GMDS: variants seen among roughly 807,000 people sequenced by gnomAD.
GMDS encodes GDP-mannose 4,6-dehydratase.
In GMDS, 20 loss-of-function variants were observed where a neutral mutation model predicts 49.9. That is an observed-to-expected ratio of 0.40 (90% CI 0.28 to 0.58). GMDS has a LOEUF of 0.58. Among genes scored for constraint, GMDS ranks in the 20% least tolerant of loss-of-function variants. The pLI is 0.42. For synonymous variants in GMDS, 177 were observed against 178.6 expected, an observed-to-expected ratio of 0.99 and a Z score of 0.07; for missense variants, 362 against 481.4, an observed-to-expected ratio of 0.75 and a Z score of 2.32.
At chr6:1,844,722 A>C (rs962488674) in intron 7 of GMDS, among the ~76,000 whole-genome samples, 1 of 152,224 alleles carries the variant, frequency 6.6e-6, no homozygotes, top group Non-Finnish European at 1.5e-5. Flanking sequence ...TGGAAGTTCA[A>C]GCTGCACCTA....
At chr6:1,937,543 A>T (rs1239601524) in intron 6 of GMDS, among the ~76,000 whole-genome samples, 2 of 152,290 alleles carry the variant, frequency 1.3e-5, no homozygotes, top group Non-Finnish European at 1.5e-5. Flanking sequence ...TGCTCCTTCG[A>T]GAATATCTAC....
At chr6:1,950,572 G>C (rs1200797071) in intron 6 of GMDS, among the ~76,000 whole-genome samples, 1 of 152,202 alleles carries the variant, frequency 6.6e-6, no homozygotes, top group Non-Finnish European at 1.5e-5. Context: ...GGAGCTATTT[G>C]AATCCGAATG....
At chr6:2,116,280 GCT>G (rs1774844674) in intron 3 of GMDS, among the ~76,000 whole-genome samples, 7 of 152,118 alleles carry the variant, frequency 4.6e-5, no homozygotes, top group Admixed American at 4.6e-4. Flanking sequence ...GATGAAGACA[GCT>G]CTCTTTTCTT....
chr6:2,022,560 G>A (rs570837754), intron 4 of GMDS, among the ~76,000 whole-genome samples: 75 of 152,202 alleles, frequency 4.9e-4, no homozygotes, highest in South Asian at 2.7e-3. Context: ...CAATCTGCTC[G>A]CGATAATGCA....
chr6:1,976,916 T>C lies in GMDS; in HGVS notation c.346-15950A>G, dbSNP rs1398098015. Among the ~76,000 whole-genome samples the C allele has an allele frequency of 3.9e-5, 6 of 152,210 alleles. No individual in the cohort carries two copies. The East Asian group carries it at 1.2e-3, about 29-fold the overall frequency. On this transcript the variant is annotated intron_variant, in intron 4 of 10. Transcript: ENST00000380815. ...ATATATCTTATTTTCTTTTGAATAT[T>C]GCTCATGATTATTCTACTACAACGC...
chr6:2,080,058 C>CT (rs1772587353), intron 4 of GMDS, among the ~76,000 whole-genome samples: 1 of 152,044 alleles, frequency 6.6e-6, no homozygotes, highest in Admixed American at 6.6e-5. Context: ...TGTCTTCTGT[C>CT]TTTGAGTTGT....
At chr6:2,045,007 C>T (rs1769915591) in intron 4 of GMDS, among the ~76,000 whole-genome samples, 1 of 152,000 alleles carries the variant, frequency 6.6e-6, no homozygotes, top group Non-Finnish European at 1.5e-5. Context: ...TCACTAAAGG[C>T]TTATAAAATG....
chr6:2,091,781 T>C (rs1216253576), intron 4 of GMDS, among the ~76,000 whole-genome samples: 1 of 151,890 alleles, frequency 6.6e-6, no homozygotes, highest in Non-Finnish European at 1.5e-5. Context: ...TGCACAGCTG[T>C]GGTCCCAGCT....
intron 7 of GMDS, among the ~76,000 whole-genome samples, chr6:1,746,091 C>T (rs1008394846): frequency 2.6e-5 from 4 of 152,226 alleles, no homozygotes; most frequent in African/African-American, 9.6e-5. Flanking sequence ...CCCGTTCTCA[C>T]CTTCCTGTTC....
At chr6:1,912,545 G>T (rs1761124920) in intron 7 of GMDS, among the ~76,000 whole-genome samples, 1 of 152,050 alleles carries the variant, frequency 6.6e-6, no homozygotes, top group South Asian at 2.1e-4. Context: ...GTGAAATGTA[G>T]TGCCTACTGG....
chr6:2,198,676 T>C (rs903479262), intron 1 of GMDS, among the ~76,000 whole-genome samples: 3 of 152,240 alleles, frequency 2.0e-5, no homozygotes, highest in Non-Finnish European at 4.4e-5. Flanking sequence ...CAGAAAATTA[T>C]GTTTGCCTGT....
At chr6:2,155,093 C>G (rs1463154212) in intron 1 of GMDS, among the ~76,000 whole-genome samples, 1 of 152,002 alleles carries the variant, frequency 6.6e-6, no homozygotes, top group South Asian at 2.1e-4. Flanking sequence ...ATTTCCCATA[C>G]TGGCACAAAT....
chr6:2,142,051 T>G (rs1332988449), intron 1 of GMDS, among the ~76,000 whole-genome samples: 9 of 152,194 alleles, frequency 5.9e-5, no homozygotes, highest in Non-Finnish European at 1.3e-4. Flanking sequence ...CACTTGTATT[T>G]TCTTATACGG....
At chr6:1,773,210 T>A (rs1041180885) in intron 7 of GMDS, among the ~76,000 whole-genome samples, 1 of 139,952 alleles carries the variant, frequency 7.1e-6, no homozygotes, top group Non-Finnish European at 1.5e-5. Context: ...TTTTTTTTTT[T>A]AACTTTAAGA....
intron 7 of GMDS, among the ~76,000 whole-genome samples, chr6:1,783,121 C>T (rs1483698899): frequency 1.3e-5 from 2 of 152,140 alleles, no homozygotes; most frequent in Admixed American, 1.3e-4. Context: ...CGCCACTGCA[C>T]TCCAGCCTGG....
At chr6:2,003,030 T>A (rs185228207) in intron 4 of GMDS, among the ~76,000 whole-genome samples, 1 of 152,240 alleles carries the variant, frequency 6.6e-6, no homozygotes, top group East Asian at 1.9e-4. Flanking sequence ...TTTGAACATA[T>A]AGAACACTGG....
chr6:2,141,531 C>T (rs1776286440), intron 1 of GMDS, among the ~76,000 whole-genome samples: 1 of 152,200 alleles, frequency 6.6e-6, no homozygotes, highest in Admixed American at 6.5e-5. Flanking sequence ...GGTAGGTGCC[C>T]ACCTCCTGAA....
chr6:2,164,183 T>C lies in GMDS; in HGVS notation c.103-39452A>G, dbSNP rs150683249. Among the ~76,000 whole-genome samples the C allele has an allele frequency of 3.2e-3, 489 of 152,348 alleles. 3 individuals carry two copies. The highest frequency in any genetic ancestry group is 0.011 in the African/African-American group (457 of 41,578). On this transcript the variant is annotated intron_variant, in intron 1 of 10. Coordinates refer to ENST00000380815, the MANE Select transcript of GMDS (RefSeq NM_001500.4). ...ATGCAGAATCTTTGCTTAGTGAGTATATGTCAACAAATTCAGCCCGATACA... is the reference window on the plus strand; with the variant it reads ...ATGCAGAATCTTTGCTTAGTGAGTACATGTCAACAAATTCAGCCCGATACA...
chr6:1,908,142 G>A (rs1760870673), intron 7 of GMDS, among the ~76,000 whole-genome samples: 1 of 152,190 alleles, frequency 6.6e-6, no homozygotes, highest in African/African-American at 2.4e-5. Context: ...AGACTAATGG[G>A]TGGGGAACAT....
Sources: allele counts gnomAD v4.1 joint callset (sites outside exome capture counted in the v4.1 genomes callset), GRCh38; gene constraint gnomAD v4.1.1; transcripts MANE v1.5; gene names NCBI Gene and HGNC (gene_info 2026-07-23, HGNC 2026-07-21).